THSD7B: variants seen among roughly 807,000 people sequenced by gnomAD.
THSD7B encodes thrombospondin type-1 domain-containing protein 7B.
THSD7B carries 138 observed loss-of-function variants against 213.6 expected under a neutral mutation model. The observed-to-expected ratio is 0.65, with a 90% CI of 0.56 to 0.74. The LOEUF (loss-of-function observed/expected upper bound fraction) is 0.74, where lower values mean the gene tolerates loss of function less well. Among genes scored for constraint, THSD7B ranks in the 30% least tolerant of loss-of-function variants. The pLI, the probability that THSD7B is intolerant of heterozygous loss-of-function variation, is 0.00. For synonymous variants in THSD7B, 742 were observed against 687.0 expected, an observed-to-expected ratio of 1.08 and a Z score of -1.25; for missense variants, 1,931 against 1,991.5, an observed-to-expected ratio of 0.97 and a Z score of 0.58.
chr2:137,496,514 G>A (rs981971207), intron 15 of THSD7B, among the ~76,000 whole-genome samples: 1 of 152,060 alleles, frequency 6.6e-6, no homozygotes, highest in East Asian at 1.9e-4. Flanking sequence ...TGTATAGCCA[G>A]CTTTTATTAT....
intron 5 of THSD7B, among the ~76,000 whole-genome samples, chr2:137,124,832 T>C (rs1490049005): frequency 1.3e-5 from 2 of 152,206 alleles, no homozygotes; most frequent in Non-Finnish European, 2.9e-5. Context: ...ACATATGCAT[T>C]GCCTCACATA....
intron 15 of THSD7B, among the ~76,000 whole-genome samples, chr2:137,481,334 T>TA (rs1284148103): frequency 2.6e-5 from 4 of 152,194 alleles, no homozygotes; most frequent in African/African-American, 9.7e-5. Flanking sequence ...CATACAGAAA[T>TA]ATCGGGTTTT....
chr2:137,538,508 T>A (rs1680549167), intron 15 of THSD7B: 1 of 517,236 alleles, frequency 1.9e-6, no homozygotes, highest in Non-Finnish European at 3.9e-6. Context: ...GGTGTTGCAA[T>A]CTGTTTTGAT....
chr2:137,523,343 T>C (rs536347919), intron 15 of THSD7B, among the ~76,000 whole-genome samples: 1 of 152,344 alleles, frequency 6.6e-6, no homozygotes, highest in East Asian at 1.9e-4. Flanking sequence ...ATTTGGAGTT[T>C]ACCACAGTCT....
chr2:137,125,157 C>A (rs1470507333), intron 5 of THSD7B, among the ~76,000 whole-genome samples: 1 of 152,158 alleles, frequency 6.6e-6, no homozygotes, highest in Non-Finnish European at 1.5e-5. Flanking sequence ...TCAGAGTCTT[C>A]TCCACTGCTC....
In THSD7B at chr2:137,027,191, A is replaced by G. The variant is rs1347899785; in HGVS notation, c.140-29229A>G. On this transcript the variant is annotated intron_variant, in intron 2 of 27. Transcript: ENST00000409968. ...AGCCCACACTTCTATATTTTTAAGTATAGTGCTAGCTGCTGTAACAAACAG... is the reference window on the plus strand; with the variant it reads ...AGCCCACACTTCTATATTTTTAAGTGTAGTGCTAGCTGCTGTAACAAACAG... 3.9e-5 allele frequency among the ~76,000 whole-genome samples: 6 copies of G among 152,320 alleles called. No homozygotes were observed. The South Asian group carries it at 1.0e-3, about 26-fold the overall frequency.
At chr2:137,524,846 A>T (rs895820390) in intron 15 of THSD7B, among the ~76,000 whole-genome samples, 2 of 152,192 alleles carry the variant, frequency 1.3e-5, no homozygotes, top group African/African-American at 4.8e-5. Flanking sequence ...GATATCAGAC[A>T]TTCAGGTGGC....
At chr2:136,834,005 T>TCAGA (rs750334454) in intron 1 of THSD7B, among the ~76,000 whole-genome samples, 2 of 152,354 alleles carry the variant, frequency 1.3e-5, no homozygotes, top group East Asian at 3.9e-4. Flanking sequence ...AGAACTCTTA[T>TCAGA]CAGAACCTTT....
At chr2:136,862,148 C>T (rs1398017887) in intron 1 of THSD7B, among the ~76,000 whole-genome samples, 1 of 152,134 alleles carries the variant, frequency 6.6e-6, no homozygotes, top group Non-Finnish European at 1.5e-5. Context: ...TCACAATTTC[C>T]CATTAGGGGT....
chr2:136,964,187 T>G (rs1685276887), intron 2 of THSD7B, among the ~76,000 whole-genome samples: 1 of 152,252 alleles, frequency 6.6e-6, no homozygotes, highest in African/African-American at 2.4e-5. Flanking sequence ...TTTTTATTTT[T>G]TCTTAAATCT....
intron 7 of THSD7B, among the ~76,000 whole-genome samples, chr2:137,228,996 C>T (rs181854309): frequency 1.3e-5 from 2 of 152,298 alleles, no homozygotes. Flanking sequence ...TAGAGATGCT[C>T]TTCCAAAAGT....
intron 1 of THSD7B, among the ~76,000 whole-genome samples, chr2:136,806,416 GATA>G (rs1388604845): frequency 6.6e-6 from 1 of 152,184 alleles, no homozygotes; most frequent in East Asian, 1.9e-4. Context: ...GAGTAAGTAT[GATA>G]ATCCATGAAA....
At chr2:137,644,792 A>G (rs145317215) in intron 21 of THSD7B, among the ~76,000 whole-genome samples, 45 of 152,264 alleles carry the variant, frequency 3.0e-4, no homozygotes, top group Middle Eastern at 6.8e-3. Context: ...ATCTCATTCA[A>G]TGAGGGAGGT....
rs753215244 is a variant in THSD7B at position 137,160,383 on chromosome 2, T to A, written c.1525+15T>A. ...GGGGAAAAAAGGTGAGTGCCTTGTT[T>A]GCATGCGCTTCATTTGCTGTCAGCG... On this transcript the variant is annotated intron_variant, in intron 6 of 27. Transcript: ENST00000409968. The A allele has an allele frequency of 2.5e-6, 4 of 1,610,596 alleles. No homozygotes were observed. In the South Asian group the frequency reaches 4.4e-5, roughly 18 times the overall value.
At chr2:137,058,409 A>G (rs1687208193) in intron 3 of THSD7B, among the ~76,000 whole-genome samples, 1 of 152,170 alleles carries the variant, frequency 6.6e-6, no homozygotes, top group Non-Finnish European at 1.5e-5. Context: ...AGCATTACAT[A>G]GAATCTTTTC....
chr2:137,555,905 T>C (rs111251292), intron 15 of THSD7B, among the ~76,000 whole-genome samples: 5,666 of 152,258 alleles, frequency 0.037, 169 homozygotes, highest in Admixed American at 0.083. Flanking sequence ...TGCACAAGCT[T>C]CAGTAGCCAT....
chr2:137,312,362 T>C (rs1683937791), intron 12 of THSD7B, among the ~76,000 whole-genome samples: 1 of 151,434 alleles, frequency 6.6e-6, no homozygotes, highest in South Asian at 2.1e-4. Flanking sequence ...ATCCCCTTTA[T>C]CATTTTTTAT....
intron 3 of THSD7B, among the ~76,000 whole-genome samples, chr2:137,078,611 G>T (rs1396187992): frequency 1.3e-5 from 2 of 151,686 alleles, no homozygotes; most frequent in South Asian, 4.2e-4. Flanking sequence ...ATTAATTTCT[G>T]CATTTGTCTT....
chr2:136,952,858 C>T (rs1323905469), intron 2 of THSD7B, among the ~76,000 whole-genome samples: 6 of 152,100 alleles, frequency 3.9e-5, no homozygotes, highest in African/African-American at 1.2e-4. Flanking sequence ...TAGTGGTTTA[C>T]CTTCTCCCTT....
Sources: gnomAD v4.1 joint callset for allele counts (sites outside exome capture counted in the v4.1 genomes callset) on GRCh38, gnomAD v4.1.1 for gene constraint, MANE v1.5 for transcripts, NCBI Gene and HGNC (gene_info 2026-07-23, HGNC 2026-07-21) for gene names.